GALNTL6: variants seen among roughly 807,000 people sequenced by gnomAD.
GALNTL6 encodes the protein polypeptide N-acetylgalactosaminyltransferase like 6.
GALNTL6 carries 46 observed loss-of-function variants against 73.7 expected under a neutral mutation model. The ratio of observed to expected loss-of-function variants is 0.62; its 90% CI spans 0.49 to 0.80. The LOEUF (loss-of-function observed/expected upper bound fraction) is 0.80, where lower values mean the gene tolerates loss of function less well. Among genes scored for constraint, GALNTL6 ranks in the 30% least tolerant of loss-of-function variants. The pLI, the probability that GALNTL6 is intolerant of heterozygous loss-of-function variation, is 0.00. For synonymous variants in GALNTL6, 259 were observed against 263.7 expected (o/e 0.98, Z 0.17); for missense variants, 604 against 755.0 (o/e 0.80, Z 2.34).
intron 2 of GALNTL6, among the ~76,000 whole-genome samples, chr4:172,124,308 T>C (rs1420871695): frequency 1.3e-5 from 2 of 152,174 alleles, no homozygotes; most frequent in Non-Finnish European, 2.9e-5. Context: ...TGATCTAATA[T>C]CTCTATAGGA....
At chr4:172,131,305 A>G (rs1319003055) in intron 2 of GALNTL6, among the ~76,000 whole-genome samples, 1 of 150,766 alleles carries the variant, frequency 6.6e-6, no homozygotes, top group Admixed American at 6.6e-5. Flanking sequence ...AACTGACTGA[A>G]AGAAAATATG....
chr4:172,302,564 G>A (rs2654787), intron 3 of GALNTL6, among the ~76,000 whole-genome samples: 123,501 of 152,156 alleles, frequency 0.81, 50,596 homozygotes, highest in Non-Finnish European at 0.87. Flanking sequence ...CTCATGAGAG[G>A]CATAAATCTG....
At chr4:172,390,590 T>C (rs553678929) in intron 5 of GALNTL6, among the ~76,000 whole-genome samples, 264 of 152,300 alleles carry the variant, frequency 1.7e-3, no homozygotes, top group African/African-American at 6.0e-3. Flanking sequence ...TTAGTAGTCA[T>C]CTCAGTTATC....
At chr4:172,665,567 G>C (rs1366253575) in intron 5 of GALNTL6, among the ~76,000 whole-genome samples, 1 of 152,168 alleles carries the variant, frequency 6.6e-6, no homozygotes, top group Non-Finnish European at 1.5e-5. Flanking sequence ...GCCTCCATTA[G>C]GGGATGGTAA....
intron 2 of GALNTL6, among the ~76,000 whole-genome samples, chr4:172,042,337 TACTG>T (rs968061636): frequency 2.0e-5 from 3 of 152,088 alleles, no homozygotes; most frequent in Non-Finnish European, 2.9e-5. Flanking sequence ...ACTAATGAGA[TACTG>T]ACCTTGATGT....
intron 9 of GALNTL6, among the ~76,000 whole-genome samples, chr4:172,945,812 C>G (rs1453961929): frequency 1.3e-5 from 2 of 152,256 alleles, no homozygotes; most frequent in Admixed American, 1.3e-4. Context: ...GTGCTCAGAT[C>G]AGAGAAAAGT....
intron 2 of GALNTL6, among the ~76,000 whole-genome samples, chr4:171,859,523 A>G (rs563465024): frequency 6.6e-5 from 10 of 152,142 alleles, no homozygotes; most frequent in Non-Finnish European, 1.5e-4. Context: ...GATGCATGGA[A>G]CTGAGAAAAA....
intron 5 of GALNTL6, among the ~76,000 whole-genome samples, chr4:172,441,882 T>C (rs2111402426): frequency 8.4e-6 from 1 of 119,120 alleles, no homozygotes; most frequent in Non-Finnish European, 1.7e-5. Flanking sequence ...CAATTTGTAG[T>C]TTCATGAGAT....
chr4:172,764,916 G>A (rs1738319307), intron 5 of GALNTL6, among the ~76,000 whole-genome samples: 1 of 152,144 alleles, frequency 6.6e-6, no homozygotes, highest in South Asian at 2.1e-4. Flanking sequence ...AGTGTTATTG[G>A]GGATTTTTAG....
chr4:172,630,763 C>CT (rs1739361882), intron 5 of GALNTL6, among the ~76,000 whole-genome samples: 2 of 149,724 alleles, frequency 1.3e-5, no homozygotes, highest in African/African-American at 2.4e-5. Context: ...ACAAAGCTAT[C>CT]TTGTTTTTAT....
intron 3 of GALNTL6, among the ~76,000 whole-genome samples, chr4:172,300,236 CA>C (rs1739859373): frequency 6.6e-6 from 1 of 152,110 alleles, no homozygotes; most frequent in Non-Finnish European, 1.5e-5. Context: ...GATCTTCCTT[CA>C]TCCCTTTATT....
intron 2 of GALNTL6, among the ~76,000 whole-genome samples, chr4:171,893,351 C>A (rs1461725152): frequency 1.3e-5 from 2 of 152,120 alleles, no homozygotes; most frequent in East Asian, 1.9e-4. Context: ...ATATTACTAT[C>A]CTATTTTTAG....
intron 2 of GALNTL6, among the ~76,000 whole-genome samples, chr4:171,995,635 G>A (rs1740463716): frequency 6.6e-6 from 1 of 151,848 alleles, no homozygotes; most frequent in African/African-American, 2.4e-5. Context: ...ATAAACACAA[G>A]AATATACAAA....
intron 2 of GALNTL6, among the ~76,000 whole-genome samples, chr4:171,936,680 C>T (rs1200669562): frequency 6.6e-6 from 1 of 152,010 alleles, no homozygotes; most frequent in Non-Finnish European, 1.5e-5. Context: ...GTAAAAATGA[C>T]ACAAGATATT....
chr4:172,364,904 T>A (rs888831402), intron 5 of GALNTL6, among the ~76,000 whole-genome samples: 6 of 152,214 alleles, frequency 3.9e-5, no homozygotes, highest in African/African-American at 1.4e-4. Flanking sequence ...TTTATTCAAG[T>A]TAAAACTGCA....
intron 3 of GALNTL6, among the ~76,000 whole-genome samples, chr4:172,307,534 A>G (rs1312965450): frequency 1.3e-5 from 2 of 152,178 alleles, no homozygotes; most frequent in African/African-American, 2.4e-5. Flanking sequence ...ATTTTTGTAT[A>G]AATTGAGAGA....
intron 2 of GALNTL6, among the ~76,000 whole-genome samples, chr4:172,131,454 T>C (rs761561579): frequency 6.9e-6 from 1 of 144,926 alleles, no homozygotes; most frequent in Non-Finnish European, 1.5e-5. Context: ...CATATATATT[T>C]TATATATATT....
intron 2 of GALNTL6, among the ~76,000 whole-genome samples, chr4:172,064,268 T>G (rs1731294019): frequency 6.6e-6 from 1 of 152,232 alleles, no homozygotes; most frequent in South Asian, 2.1e-4. Context: ...CTCCCTCATT[T>G]GTTTAAAGAC....
At chr4:171,817,327 T>C (rs1191016165) in intron 2 of GALNTL6, among the ~76,000 whole-genome samples, 1 of 151,952 alleles carries the variant, frequency 6.6e-6, no homozygotes, top group Non-Finnish European at 1.5e-5. Flanking sequence ...AGTTTAATTA[T>C]TAGAAAAGGT....
Sources: allele counts gnomAD v4.1 joint callset (sites outside exome capture counted in the v4.1 genomes callset), GRCh38; gene constraint gnomAD v4.1.1; transcripts MANE v1.5; gene names NCBI Gene and HGNC (gene_info 2026-07-23, HGNC 2026-07-21).